Variants in KRT28 observed in about 807,000 individuals in gnomAD.
KRT28 encodes keratin, type I cytoskeletal 28.
In KRT28, 45 loss-of-function variants were observed where a neutral mutation model predicts 48.1. That is an observed-to-expected ratio of 0.94 (90% CI 0.74 to 1.20). The LOEUF (loss-of-function observed/expected upper bound fraction) is 1.20, where lower values mean the gene tolerates loss of function less well. Among genes scored for constraint, KRT28 ranks in the 50% most tolerant of loss-of-function variants. The pLI is 0.00. For synonymous variants in KRT28, 228 were observed against 227.4 expected (o/e 1.00, Z -0.03); for missense variants, 571 against 574.1 (o/e 0.99, Z 0.06).
chr17:40,794,967 T>C (rs779399864), intron 5 of KRT28, among the ~76,000 whole-genome samples: 21 of 152,390 alleles, frequency 1.4e-4, no homozygotes, highest in Non-Finnish European at 2.8e-4. Flanking sequence ...ATTTACCTAG[T>C]AAATACATTT....
At chr17:40,796,002 A>G (rs4132126) in intron 5 of KRT28, among the ~76,000 whole-genome samples, 41,376 of 152,060 alleles carry the variant, frequency 0.27, 5,791 homozygotes, top group Non-Finnish European at 0.31. Context: ...CAGTCAGTGT[A>G]AAAACAAGTC....
rs144355579 is a variant in KRT28 at position 40,795,296 on chromosome 17, C to G, written c.979-1250G>C. Among the ~76,000 whole-genome samples the G allele has an allele frequency of 2.0e-5, 3 of 152,138 alleles. No homozygotes were observed. The East Asian group carries it at 5.8e-4, about 29-fold the overall frequency. ...GCAAGACGCCAGTGAGGCGTGTGCT[C>G]GGCAGCTCAAAACTTTAATTTCCCT... On this transcript the variant is annotated intron_variant, in intron 5 of 7. Transcript: ENST00000306658.
chr17:40,799,309 T>C (rs753761605), intron 1 of KRT28, 135 bp downstream of exon 1: 15 of 755,924 alleles, frequency 2.0e-5, no homozygotes, highest in Non-Finnish European at 2.7e-5. Flanking sequence ...CATTTTTGAA[T>C]AGTAGGAAGA....
chr17:40,798,831 C>T (rs1904681488), intron 2 of KRT28, 86 bp downstream of exon 2: 1 of 851,188 alleles, frequency 1.2e-6, no homozygotes, highest in South Asian at 1.6e-5. Flanking sequence ...ATAGTTCATT[C>T]TACTTGGGAT....
In KRT28 at chr17:40,793,833, C is replaced by T. The variant is rs1455996264; in HGVS notation, c.1192G>A (p.Gly398Arg). 6.2e-7 allele frequency: 1 copy of T among 1,613,892 alleles called. No individual in the cohort carries two copies. The highest frequency in any genetic ancestry group is 1.1e-5 in the South Asian group (1 of 91,072). The change falls in exon 6 of 8, where the codon GGA (glycine) becomes AGA (arginine). Residue 398 changes from glycine (G) to arginine (R), a missense_variant. By Grantham distance (125) the Gly-to-Arg change is moderately radical. Transcript: ENST00000306658. ...ETYCRLIDGDGNSCSKSKGFG... is the reference protein window; with the variant it reads ...ETYCRLIDGDRNSCSKSKGFG... ...TTTTCAAATGGCTTTACTTACTTTCCATCTCCATCTATCAGGCGGCAGTAG... is the reference window on the plus strand; with the variant it reads ...TTTTCAAATGGCTTTACTTACTTTCTATCTCCATCTATCAGGCGGCAGTAG...
At chr17:40,794,497 CTTT>C (rs899436766) in intron 5 of KRT28, among the ~76,000 whole-genome samples, 1 of 151,546 alleles carries the variant, frequency 6.6e-6, no homozygotes, top group Non-Finnish European at 1.5e-5. Flanking sequence ...TGTGCTACTG[CTTT>C]TTTTTTCTCT....
At chr17:40,795,762 T>C (rs1253737842) in intron 5 of KRT28, among the ~76,000 whole-genome samples, 1 of 152,208 alleles carries the variant, frequency 6.6e-6, no homozygotes, top group Non-Finnish European at 1.5e-5. Context: ...AATTCTGGTC[T>C]GGGGACTCGA....
intron 1 of KRT28, 138 bp downstream of exon 1, chr17:40,799,306 G>T (rs1904692686): frequency 1.3e-6 from 1 of 746,042 alleles, no homozygotes; most frequent in South Asian, 2.2e-5. Context: ...GCCCATTTTT[G>T]AATAGTAGGA....
intron 5 of KRT28, 125 bp from the exon 6 acceptor site, chr17:40,794,171 A>G (rs750952330): frequency 8.0e-6 from 9 of 1,130,270 alleles, no homozygotes; most frequent in Non-Finnish European, 1.1e-5. Context: ...GCTTGTCACA[A>G]TCAAATGGGA....
Position 40,794,641 on chromosome 17 carries a change from TCGA to T in KRT28, c.979-598_979-596del, listed in dbSNP as rs531516867. Among the ~76,000 whole-genome samples, 359 of 152,364 alleles carry T rather than the reference TCGA, an allele frequency of 2.4e-3. 3 individuals are homozygous for T. Among genetic ancestry groups the T allele is most frequent in the African/African-American group, 8.4e-3 (350 of 41,586 alleles). Reference sequence around the variant, plus strand: ...TCATAACACAATACAGGTCATTATTTCGACACTACTCTTATGAATATCATACTT... The same window carrying T: ...TCATAACACAATACAGGTCATTATTTCACTACTCTTATGAATATCATACTT... On this transcript the variant is annotated intron_variant, in intron 5 of 7. Transcript: ENST00000306658.
rs749898015 is a variant in KRT28, at chr17:40,799,825, G to C, written c.69C>G (p.Pro23=). ...CLRSGAGSVR[P]LNGGAGFAGS... is the part of the protein sequence containing the mutation. Reference sequence around the variant, plus strand: ...CTGCAAAGCCTGCACCTCCATTGAGGGGTCTGACAGATCCAGCTCCAGACC... The same window carrying C: ...CTGCAAAGCCTGCACCTCCATTGAGCGGTCTGACAGATCCAGCTCCAGACC... The change falls in exon 1 of 8, where the codon CCC becomes CCG. Residue 23 remains proline, a synonymous_variant. Coordinates refer to ENST00000306658, the MANE Select transcript of KRT28 (RefSeq NM_181535.3). The C allele has an allele frequency of 6.2e-7, 1 of 1,614,014 alleles. No individual in the cohort carries two copies. Among genetic ancestry groups the C allele is most frequent in the South Asian group, 1.1e-5 (1 of 91,070 alleles).
At chr17:40,794,306 G>A (rs1024313900) in intron 5 of KRT28, among the ~76,000 whole-genome samples, 4 of 152,064 alleles carry the variant, frequency 2.6e-5, no homozygotes, top group African/African-American at 9.7e-5. Flanking sequence ...TGATATATAG[G>A]TCATATTTCT....
rs753993564 is a variant in KRT28, at chr17:40,797,106, G to C, written c.852+14C>G. On this transcript the variant is annotated intron_variant, in intron 4 of 7. Coordinates refer to ENST00000306658, the MANE Select transcript of KRT28 (RefSeq NM_181535.3). ...CCCGGGGAGGTGTGAGCAGGGAGACGGGGCCCACCTCACCTTCTCATTGAA... is the reference window on the plus strand; with the variant it reads ...CCCGGGGAGGTGTGAGCAGGGAGACCGGGCCCACCTCACCTTCTCATTGAA... 7 of 1,612,856 alleles carry C rather than the reference G, an allele frequency of 4.3e-6. No individual in the cohort carries two copies. Among genetic ancestry groups the C allele is most frequent in the East Asian group, 2.2e-5 (1 of 44,888 alleles).
chr17:40,793,765 A>G, intron 6 of KRT28, 64 bp downstream of exon 6: 2 of 1,505,178 alleles, frequency 1.3e-6, no homozygotes, highest in Non-Finnish European at 1.8e-6. Flanking sequence ...TGGAAGGCTA[A>G]TGGGCAGCCC....
chr17:40,799,459 C>A lies in KRT28; in HGVS notation c.435G>T (p.Glu145Asp), dbSNP rs1289665269. ...GATTTCTCACCTTATTCTTAAGATC[C>A]TCAATTGTTAGGTGATATCTGCTAT... The part of the protein sequence containing the change: ...HDYSRYHLTI[E>D]DLKNKIISST... Residue 145 changes from glutamate (E) to aspartate (D), a missense_variant, in exon 1 of 8, where the codon GAG becomes GAT. By Grantham distance (45) the Glu-to-Asp change is conservative. Coordinates refer to ENST00000306658, the MANE Select transcript of KRT28 (RefSeq NM_181535.3). 6.2e-7 allele frequency: 1 copy of A among 1,603,218 alleles called. No homozygotes were observed. The highest frequency in any genetic ancestry group is 1.3e-5 in the African/African-American group (1 of 74,546).
chr17:40,793,900 A>G lies in KRT28; in HGVS notation c.1125T>C (p.His375=). Residue 375 remains histidine (H), a synonymous_variant, in exon 6 of 8, where the codon CAT becomes CAC. Transcript: ENST00000306658. ...CCAAGTGGACCTTGACATCGAGGAG[A>G]TGCTCATACTCCAGCTTCTGGCCCT... ...ETEGQKLEYE[H]LLDVKVHLEK... The G allele has an allele frequency of 6.2e-7, 1 of 1,613,806 alleles. No homozygotes were observed. Among genetic ancestry groups the G allele is most frequent in the Non-Finnish European group, 8.5e-7 (1 of 1,179,838 alleles).
Position 40,799,898 on chromosome 17 carries a change from T to A in KRT28, c.-5A>T, listed in dbSNP as rs932976054. 3.1e-6 allele frequency: 5 copies of A among 1,601,432 alleles called. No individual in the cohort carries two copies. The highest frequency in any genetic ancestry group is 2.2e-5 in the East Asian group (1 of 44,782). On this transcript the variant is annotated 5_prime_UTR_variant, in exon 1 of 8. Transcript: ENST00000306658. Reference sequence around the variant, plus strand: ...ATTAGAAAATTGGAGAGACATGGTGTTTTGAGAAATGTTCACCTTGTCTAT... The same window carrying A: ...ATTAGAAAATTGGAGAGACATGGTGATTTGAGAAATGTTCACCTTGTCTAT...
chr17:40,797,059 A>C lies in KRT28; in HGVS notation c.853-18T>G. ...GAGGCGCTCTGTAGGGCCGGGAAAA[A>C]GGGTCACACGGAGTCCCCACCCCCG... On this transcript the variant is annotated intron_variant, in intron 4 of 7. Transcript: ENST00000306658. The C allele has an allele frequency of 1.9e-6, 3 of 1,607,402 alleles. No homozygotes were observed. Among genetic ancestry groups the C allele is most frequent in the Non-Finnish European group, 2.6e-6 (3 of 1,176,340 alleles).
chr17:40,796,897 G>A lies in KRT28; in HGVS notation c.978+19C>T. The stretch of plus-strand genomic sequence containing the variant: ...TTTCTAGAATCACAGGATCCAGGCT[G>A]ACCTTCGCTGTCACCTACCGTGGCC... On this transcript the variant is annotated intron_variant, in intron 5 of 7. Transcript: ENST00000306658. 6.4e-7 allele frequency: 1 copy of A among 1,569,850 alleles called. No homozygotes were observed. The highest frequency in any genetic ancestry group is 8.6e-7 in the Non-Finnish European group (1 of 1,161,300).
Sources: gnomAD v4.1 joint callset for allele counts (sites outside exome capture counted in the v4.1 genomes callset) on GRCh38, gnomAD v4.1.1 for gene constraint, MANE v1.5 for transcripts, NCBI Gene and HGNC (gene_info 2026-07-23, HGNC 2026-07-21) for gene names.